GRIN2B: variants seen among roughly 807,000 people sequenced by gnomAD.
GRIN2B encodes the protein glutamate receptor ionotropic, NMDA 2B.
Under a neutral mutation model 114.5 loss-of-function variants are expected in GRIN2B, and 5 were observed. The ratio of observed to expected loss-of-function variants is 0.04; its 90% CI spans 0.02 to 0.09. The LOEUF is 0.09. GRIN2B is among the 10% of genes least tolerant of loss of function. The pLI is 1.00. For missense variants in GRIN2B, 1,108 were observed against 1,943.5 expected (o/e 0.57, Z 8.08); for synonymous variants, 787 against 745.1 (o/e 1.06, Z -0.92).
chr12:13,960,950 A>G (rs553086953), intron 2 of GRIN2B, among the ~76,000 whole-genome samples: 4 of 152,230 alleles, frequency 2.6e-5, no homozygotes, highest in Non-Finnish European at 5.9e-5. Flanking sequence ...TGACACCATC[A>G]ACTGAGACCA....
chr12:13,607,200 T>TA (rs1949267087), intron 10 of GRIN2B, among the ~76,000 whole-genome samples: 1 of 111,076 alleles, frequency 9.0e-6, no homozygotes, highest in African/African-American at 3.6e-5. Context: ...AAAAAATATA[T>TA]ATAATATATA....
intron 4 of GRIN2B, among the ~76,000 whole-genome samples, chr12:13,733,823 C>A (rs553339651): frequency 2.5e-4 from 38 of 152,302 alleles, no homozygotes; most frequent in African/African-American, 8.7e-4. Context: ...TCAGAAGGAA[C>A]GTAGGGCTCA....
intron 4 of GRIN2B, among the ~76,000 whole-genome samples, chr12:13,686,619 A>G (rs1950175852): frequency 6.6e-6 from 1 of 152,086 alleles, no homozygotes; most frequent in African/African-American, 2.4e-5. Flanking sequence ...AAGTAATTTT[A>G]TTTTCTATCT....
At chr12:13,884,569 A>T (rs1866123154) in intron 2 of GRIN2B, among the ~76,000 whole-genome samples, 1 of 151,664 alleles carries the variant, frequency 6.6e-6, no homozygotes, top group Non-Finnish European at 1.5e-5. Flanking sequence ...AGTAATGATA[A>T]TTTTTTTTCT....
chr12:13,927,982 A>AAAAAAAAAG (rs71067738), intron 2 of GRIN2B, among the ~76,000 whole-genome samples: 528 of 128,374 alleles, frequency 4.1e-3, no homozygotes, highest in Middle Eastern at 9.3e-3. Flanking sequence ...AAAAAAAAAA[A>AAAAAAAAAG]GGGGGGGTAT....
Position 13,866,039 on chromosome 12 carries a change from T to C in GRIN2B, c.170A>G (p.Asp57Gly), listed in dbSNP as rs1019298480. 1.9e-6 allele frequency: 3 copies of C among 1,614,000 alleles called. No individual in the cohort carries two copies. The highest frequency in any genetic ancestry group is 2.5e-6 in the Non-Finnish European group (3 of 1,179,984). The change falls in exon 3 of 14, where the codon GAT (aspartate) becomes GGT (glycine). Residue 57 changes from aspartate to glycine, a missense_variant. Asp to Gly is a moderately conservative substitution (Grantham distance 94, BLOSUM62 -1). Transcript: ENST00000609686. ...EVAIKDAHEK[D>G]DFHHLSVVPR... ...TACCACGGAGAGATGGTGGAAATCA[T>C]CTTTCTCGTGGGCATCCTTGATGGC...
At chr12:13,743,730 A>G (rs1863324523) in intron 4 of GRIN2B, among the ~76,000 whole-genome samples, 1 of 152,166 alleles carries the variant, frequency 6.6e-6, no homozygotes, top group South Asian at 2.1e-4. Context: ...AAGCCTTCAC[A>G]TGTTTGTTAT....
intron 4 of GRIN2B, among the ~76,000 whole-genome samples, chr12:13,694,613 C>T (rs1479538324): frequency 7.3e-6 from 1 of 136,332 alleles, no homozygotes; most frequent in Admixed American, 7.7e-5. Flanking sequence ...TTCATTAAGT[C>T]CACTACAGTA....
intron 3 of GRIN2B, among the ~76,000 whole-genome samples, chr12:13,864,510 AC>A (rs1241964455): frequency 6.6e-6 from 1 of 152,192 alleles, no homozygotes; most frequent in Non-Finnish European, 1.5e-5. Flanking sequence ...AAAATGATAA[AC>A]GTAGCACTTG....
chr12:13,755,061 C>A (rs2136630810), intron 3 of GRIN2B, among the ~76,000 whole-genome samples: 1 of 152,292 alleles, frequency 6.6e-6, no homozygotes, highest in Non-Finnish European at 1.5e-5. Context: ...TGCCCCTTAT[C>A]TTCTATCCCA....
intron 4 of GRIN2B, among the ~76,000 whole-genome samples, chr12:13,710,584 AACAG>A (rs1326614778): frequency 9.2e-5 from 14 of 151,970 alleles, no homozygotes; most frequent in Non-Finnish European, 1.9e-4. Flanking sequence ...ACACACCAAT[AACAG>A]ACAAACAGAC....
At chr12:13,808,600 G>T (rs1187381389) in intron 3 of GRIN2B, among the ~76,000 whole-genome samples, 1 of 151,750 alleles carries the variant, frequency 6.6e-6, no homozygotes, top group Non-Finnish European at 1.5e-5. Context: ...GTTGTGGGGT[G>T]GGGGAAGGGG....
At chr12:13,767,337 T>A (rs927973725) in intron 3 of GRIN2B, among the ~76,000 whole-genome samples, 1 of 152,016 alleles carries the variant, frequency 6.6e-6, no homozygotes, top group Non-Finnish European at 1.5e-5. Flanking sequence ...TGTGCTCCAT[T>A]CATTTAAAAA....
At chr12:13,570,602 A>G (rs761763678) in intron 11 of GRIN2B, among the ~76,000 whole-genome samples, 1 of 152,206 alleles carries the variant, frequency 6.6e-6, no homozygotes, top group Non-Finnish European at 1.5e-5. Flanking sequence ...AATACAGAAG[A>G]ATTCAGATCT....
intron 3 of GRIN2B, among the ~76,000 whole-genome samples, chr12:13,817,188 G>C (rs1864840218): frequency 6.6e-6 from 1 of 152,120 alleles, no homozygotes; most frequent in South Asian, 2.1e-4. Context: ...ACAGAAGGAA[G>C]CATGGGCTCT....
rs1948453510 is a variant in GRIN2B at position 13,554,421 on chromosome 12, G to GAGAT, written c.*8358_*8361dup. On this transcript the variant is annotated 3_prime_UTR_variant, in exon 14 of 14. Coordinates refer to ENST00000609686, the MANE Select transcript of GRIN2B (RefSeq NM_000834.5). ...ATTATTCAAGAAGGGAGTGAGATGG[G>GAGAT]AGATAGGAAGGAGAGTATTTTGGAC... The GAGAT allele has an allele frequency of 6.6e-6, 1 of 152,222 alleles. No individual in the cohort carries two copies. Among genetic ancestry groups the GAGAT allele is most frequent in the South Asian group, 2.1e-4 (1 of 4,830 alleles). 9.4% of individuals were successfully genotyped at this position (152,222 alleles called of 1,614,324 possible).
intron 2 of GRIN2B, among the ~76,000 whole-genome samples, chr12:13,969,584 A>AGAT (rs1210235817): frequency 6.6e-6 from 1 of 152,238 alleles, no homozygotes; most frequent in Non-Finnish European, 1.5e-5. Context: ...AATTCCTCAT[A>AGAT]GATAACTATA....
rs2136883755 is a variant in GRIN2B at position 13,981,508 on chromosome 12, C to G, written c.-614G>C. ...AAGGATATGCATTCGGACGCCAGCA[C>G]TACTGGATGGTGGTGATCAAGAATC... is the stretch of plus-strand genomic sequence containing the variant. On this transcript the variant is annotated 5_prime_UTR_variant, in exon 1 of 14. Transcript: ENST00000609686. The G allele has an allele frequency of 6.6e-6, 1 of 152,274 alleles. No individual in the cohort carries two copies. The highest frequency in any genetic ancestry group is 1.9e-4 in the East Asian group (1 of 5,142). 9.4% of individuals were successfully genotyped at this position (152,274 alleles called of 1,614,324 possible).
At chr12:13,694,656 C>CATATATAT (rs67570541) in intron 4 of GRIN2B, among the ~76,000 whole-genome samples, 65 of 71,322 alleles carry the variant, frequency 9.1e-4, no homozygotes, top group African/African-American at 1.5e-3. Flanking sequence ...AAGAAAATGT[C>CATATATAT]ATATATATAT....
Sources: gnomAD v4.1 joint callset for allele counts (sites outside exome capture counted in the v4.1 genomes callset) on GRCh38, gnomAD v4.1.1 for gene constraint, MANE v1.5 for transcripts, NCBI Gene and HGNC (gene_info 2026-07-23, HGNC 2026-07-21) for gene names.